The following NTSR1 variants were observed in gnomAD, a reference collection of about 807,000 sequenced individuals.
NTSR1 encodes neurotensin receptor 1, also known as neurotensin receptor type 1.
NTSR1 carries 29 observed loss-of-function variants against 31.2 expected under a neutral mutation model. The ratio of observed to expected loss-of-function variants is 0.93; its 90% CI spans 0.69 to 1.27. The LOEUF is 1.27. Among genes scored for constraint, NTSR1 ranks in the 50% most tolerant of loss-of-function variants. The pLI, the probability that NTSR1 is intolerant of heterozygous loss-of-function variation, is 0.00. For synonymous variants in NTSR1, 282 were observed against 269.9 expected, an observed-to-expected ratio of 1.04 and a Z score of -0.44; for missense variants, 697 against 595.4, an observed-to-expected ratio of 1.17 and a Z score of -1.78.
intron 1 of NTSR1, among the ~76,000 whole-genome samples, chr20:62,724,960 C>T (rs1224003541): frequency 2.0e-5 from 3 of 152,242 alleles, no homozygotes; most frequent in African/African-American, 2.4e-5. Context: ...ATGATCTCAT[C>T]GCACAGTCCT....
chr20:62,713,612 G>A (rs192588572), intron 1 of NTSR1, among the ~76,000 whole-genome samples: 1 of 152,316 alleles, frequency 6.6e-6, no homozygotes, highest in East Asian at 1.9e-4. Flanking sequence ...TTAGAGTGTG[G>A]AGTCTGCAAC....
At chr20:62,724,772 G>T (rs893349536) in intron 1 of NTSR1, among the ~76,000 whole-genome samples, 1 of 152,170 alleles carries the variant, frequency 6.6e-6, no homozygotes, top group East Asian at 1.9e-4. Context: ...CACACTCCGC[G>T]GAGGCTCTAG....
At chr20:62,712,021 G>A (rs145673199) in intron 1 of NTSR1, among the ~76,000 whole-genome samples, 32 of 152,222 alleles carry the variant, frequency 2.1e-4, no homozygotes, top group Non-Finnish European at 3.7e-4. Flanking sequence ...GCTCAGCTGC[G>A]TGCCTGGGAG....
In NTSR1 at chr20:62,754,674, C is replaced by T. The variant is rs1486866893; in HGVS notation, c.715-11C>T. 2.5e-6 allele frequency: 4 copies of T among 1,610,090 alleles called. No individual in the cohort carries two copies. Among genetic ancestry groups the T allele is most frequent in the Non-Finnish European group, 3.4e-6 (4 of 1,178,444 alleles). ...GCTGGCTCTGACAGCCTCGCCCTTC[C>T]TCTCCTGCAGGTCAACACCTTCATG... On this transcript the variant is annotated splice_polypyrimidine_tract_variant and intron_variant, in intron 1 of 3. Transcript: ENST00000370501.
At chr20:62,754,948 C>CCACCCCAA in intron 2 of NTSR1, 62 bp downstream of exon 2, 1 of 1,442,692 alleles carries the variant, frequency 6.9e-7, no homozygotes, top group South Asian at 1.3e-5. Flanking sequence ...AGGCAGCGAG[C>CCACCCCAA]GCTGAACCAC....
Position 62,744,252 on chromosome 20 carries a change from C to G in NTSR1, c.715-10433C>G, listed in dbSNP as rs1359180923. Among the ~76,000 whole-genome samples, 1 of 152,134 alleles carries G rather than the reference C, an allele frequency of 6.6e-6. No homozygotes were observed. The highest frequency in any genetic ancestry group is 1.5e-5 in the Non-Finnish European group (1 of 68,028). ...CTGAGGCAGCACCTCTAGGCTCGCT[C>G]TTTTAGAAATGAGGCTGAGGGGCTG... On this transcript the variant is annotated intron_variant, in intron 1 of 3. Coordinates refer to ENST00000370501, the MANE Select transcript of NTSR1 (RefSeq NM_002531.3). The surrounding 1 kb of genome is among the most constrained non-coding windows in gnomAD (Gnocchi z 4.1).
intron 1 of NTSR1, among the ~76,000 whole-genome samples, chr20:62,727,723 T>C (rs1399126909): frequency 1.3e-5 from 2 of 152,206 alleles, no homozygotes; most frequent in East Asian, 1.9e-4. Flanking sequence ...GGGGGACCTG[T>C]GGGCTGAAAG....
At chr20:62,740,316 G>A (rs572229450) in intron 1 of NTSR1, among the ~76,000 whole-genome samples, 43 of 148,076 alleles carry the variant, frequency 2.9e-4, no homozygotes, top group Admixed American at 7.3e-4. Context: ...CGTGCAGGCC[G>A]GAAGGAAAAG....
chr20:62,751,904 A>G (rs1989400069), intron 1 of NTSR1, among the ~76,000 whole-genome samples: 2 of 152,010 alleles, frequency 1.3e-5, no homozygotes, highest in South Asian at 4.2e-4. Context: ...TCACAGATGG[A>G]GCTTCTGTCT....
At chr20:62,727,161 C>T (rs1307767707) in intron 1 of NTSR1, among the ~76,000 whole-genome samples, 3 of 152,116 alleles carry the variant, frequency 2.0e-5, no homozygotes, top group African/African-American at 4.8e-5. Flanking sequence ...GGGCAGGACA[C>T]ACCAGCCCCA....
rs1473135235 is a variant in NTSR1 at position 62,744,818 on chromosome 20, G to T, written c.715-9867G>T. On this transcript the variant is annotated intron_variant, in intron 1 of 3. Coordinates refer to ENST00000370501, the MANE Select transcript of NTSR1 (RefSeq NM_002531.3). This position sits in a 1 kb window ranked among gnomAD's most constrained non-coding sequence, Gnocchi z 4.1. ...GGAACAAGCCAGGCCCCCACTTCTG[G>T]CACCAAACCCCAGGCATTCGGCTGC... Among the ~76,000 whole-genome samples, 1 of 152,140 alleles carries T rather than the reference G, an allele frequency of 6.6e-6. No individual in the cohort carries two copies. The highest frequency in any genetic ancestry group is 1.5e-5 in the Non-Finnish European group (1 of 68,024).
At chr20:62,748,465 T>C (rs1989340195) in intron 1 of NTSR1, among the ~76,000 whole-genome samples, 1 of 151,938 alleles carries the variant, frequency 6.6e-6, no homozygotes, top group South Asian at 2.1e-4. Context: ...AGACCTCAAA[T>C]AGTCAAAGCA....
chr20:62,721,330 G>A (rs1988824652), intron 1 of NTSR1, among the ~76,000 whole-genome samples: 1 of 152,182 alleles, frequency 6.6e-6, no homozygotes, highest in African/African-American at 2.4e-5. Context: ...TCTTGAGGGT[G>A]GCATATATTG....
intron 1 of NTSR1, among the ~76,000 whole-genome samples, chr20:62,738,359 C>T (rs1989142786): frequency 2.0e-5 from 3 of 152,368 alleles, no homozygotes; most frequent in African/African-American, 4.8e-5. Context: ...GTCTGCAGCC[C>T]GGCTTGGGGA....
In NTSR1 at chr20:62,742,925, C is replaced by T. The variant is rs1213159484; in HGVS notation, c.715-11760C>T. Among the ~76,000 whole-genome samples, 1 of 149,586 alleles carries T rather than the reference C, an allele frequency of 6.7e-6. No homozygotes were observed. The highest frequency in any genetic ancestry group is 2.5e-5 in the African/African-American group (1 of 40,034). On this transcript the variant is annotated intron_variant, in intron 1 of 3. Transcript: ENST00000370501. The surrounding 1 kb of genome is among the most constrained non-coding windows in gnomAD (Gnocchi z 7.1). ...TGGGGTTCCTGTTCATCCCAGGGCA[C>T]CTGTCACGGGACATACCCACAGCAC...
intron 1 of NTSR1, among the ~76,000 whole-genome samples, 154 bp downstream of exon 1, chr20:62,710,075 T>A (rs1348320000): frequency 6.6e-6 from 1 of 152,170 alleles, no homozygotes; most frequent in Non-Finnish European, 1.5e-5. Context: ...TGGGGGCAGC[T>A]CCAGAGTTGC....
At chr20:62,759,761 C>G (rs6011219) in intron 3 of NTSR1, among the ~76,000 whole-genome samples, 1 of 121,974 alleles carries the variant, frequency 8.2e-6, no homozygotes, top group East Asian at 2.5e-4. Flanking sequence ...GGAGACAGAG[C>G]GAGACTCCGT....
chr20:62,718,753 T>G (rs1249035167), intron 1 of NTSR1, among the ~76,000 whole-genome samples: 2 of 152,232 alleles, frequency 1.3e-5, no homozygotes, highest in African/African-American at 4.8e-5. Flanking sequence ...CACGTTTTGT[T>G]GAGGCATTTG....
intron 1 of NTSR1, among the ~76,000 whole-genome samples, chr20:62,712,061 G>C (rs138331601): frequency 6.6e-6 from 1 of 152,228 alleles, no homozygotes; most frequent in African/African-American, 2.4e-5. Context: ...TCCTCCATCC[G>C]ATGCTGATGA....
Sources: gnomAD v4.1 joint callset for allele counts (sites outside exome capture counted in the v4.1 genomes callset) on GRCh38, gnomAD v4.1.1 for gene constraint, Gnocchi (gnomAD v3.1) non-coding constraint, MANE v1.5 for transcripts, NCBI Gene and HGNC (gene_info 2026-07-23, HGNC 2026-07-21) for gene names.